Variants in XPO1 observed in about 807,000 individuals in gnomAD.
The protein encoded by XPO1 is exportin-1.
Under a neutral mutation model 133.3 loss-of-function variants are expected in XPO1, and 5 were observed. The ratio of observed to expected loss-of-function variants is 0.04; its 90% CI spans 0.02 to 0.08. XPO1 has a LOEUF of 0.08. Ranked by LOEUF, XPO1 falls within the 10% of genes least tolerant of loss-of-function variation. XPO1 has a pLI of 1.00. For missense variants in XPO1, 506 were observed against 1,267.5 expected, an observed-to-expected ratio of 0.40 and a Z score of 9.12; for synonymous variants, 419 against 408.2, an observed-to-expected ratio of 1.03 and a Z score of -0.32.
At chr2:61,515,940 CA>C (rs1180157282) in intron 4 of XPO1, among the ~76,000 whole-genome samples, 621 of 49,416 alleles carry the variant, frequency 0.013, 1 homozygote, top group Non-Finnish European at 0.024. Flanking sequence ...AAAAAAACCA[CA>C]CACACACACA....
At chr2:61,497,595 T>A (rs776194163) in intron 9 of XPO1, among the ~76,000 whole-genome samples, 2 of 152,210 alleles carry the variant, frequency 1.3e-5, no homozygotes, top group Non-Finnish European at 2.9e-5. Context: ...TTTAGGAATG[T>A]TATACTTTCT....
intron 4 of XPO1, among the ~76,000 whole-genome samples, chr2:61,514,411 T>G (rs1020755838): frequency 2.7e-5 from 4 of 150,770 alleles, no homozygotes; most frequent in Non-Finnish European, 4.5e-5. Context: ...GCCAACATGG[T>G]GAAAGCTCGT....
intron 23 of XPO1, among the ~76,000 whole-genome samples, 171 bp from the exon 24 acceptor site, chr2:61,481,452 T>TA (rs1165005663): frequency 2.0e-5 from 3 of 151,822 alleles, no homozygotes; most frequent in Non-Finnish European, 2.9e-5. Flanking sequence ...TTTTTTTTTT[T>TA]AATCAAGAAT....
At position 61,492,513 on chromosome 2, in the gene XPO1, G is replaced by C. The variant is rs779346191; in HGVS notation, c.1567-32C>G. 6.3e-7 allele frequency: 1 copy of C among 1,590,056 alleles called. No homozygotes were observed. The highest frequency in any genetic ancestry group is 1.2e-5 in the South Asian group (1 of 86,458). On this transcript the variant is annotated intron_variant, in intron 14 of 24. Coordinates refer to ENST00000401558, the MANE Select transcript of XPO1 (RefSeq NM_003400.4). The surrounding 1 kb of genome is among the most constrained non-coding windows in gnomAD (Gnocchi z 5.6). ...ATAAGACAAATTTGTATTATTTATT[G>C]TAACAACATAATACTTATTTAGCAA... is the stretch of plus-strand genomic sequence containing the variant.
intron 16 of XPO1, among the ~76,000 whole-genome samples, chr2:61,491,500 CAAAA>C (rs1171506656): frequency 1.4e-4 from 19 of 131,820 alleles, no homozygotes; most frequent in Non-Finnish European, 2.5e-4. Context: ...ACACACACCC[CAAAA>C]CAAAACAAAA....
At chr2:61,481,501 C>A (rs1326187982) in intron 23 of XPO1, among the ~76,000 whole-genome samples, 1 of 151,924 alleles carries the variant, frequency 6.6e-6, no homozygotes, top group Admixed American at 6.6e-5. Context: ...GCTCGTTTAC[C>A]AGGTTGGAGT....
At chr2:61,481,588 A>T (rs1241813137) in intron 23 of XPO1, among the ~76,000 whole-genome samples, 2 of 152,134 alleles carry the variant, frequency 1.3e-5, no homozygotes, top group Non-Finnish European at 2.9e-5. Context: ...CTGGGATTAC[A>T]GGCATGCACC....
intron 2 of XPO1, among the ~76,000 whole-genome samples, chr2:61,528,560 G>A (rs1380042736): frequency 6.6e-6 from 1 of 150,864 alleles, no homozygotes; most frequent in Non-Finnish European, 1.5e-5. Context: ...TTGAATCCAG[G>A]AGCGGAGGTT....
chr2:61,491,490 ACACACACC>A (rs1200561705), intron 16 of XPO1, among the ~76,000 whole-genome samples: 1 of 124,760 alleles, frequency 8.0e-6, no homozygotes, highest in East Asian at 2.8e-4. Context: ...ACACACACAC[ACACACACC>A]CCAAAACAAA....
chr2:61,503,005 A>G (rs1354771037), intron 4 of XPO1, among the ~76,000 whole-genome samples: 2 of 143,572 alleles, frequency 1.4e-5, no homozygotes, highest in Non-Finnish European at 3.0e-5. Flanking sequence ...CTGTTATGTC[A>G]CACACACTGG....
At chr2:61,493,642 T>C (rs573421536) in intron 12 of XPO1, 7 of 403,152 alleles carry the variant, frequency 1.7e-5, no homozygotes, top group Admixed American at 1.7e-4. Flanking sequence ...TCTGGTTTAG[T>C]AGATTGGCAG....
At chr2:61,490,320 T>G (rs922988362) in intron 17 of XPO1, among the ~76,000 whole-genome samples, 5 of 151,866 alleles carry the variant, frequency 3.3e-5, no homozygotes, top group African/African-American at 1.2e-4. Flanking sequence ...TGCCTAAGCC[T>G]CCTCAGTAGC....
intron 4 of XPO1, among the ~76,000 whole-genome samples, chr2:61,512,333 A>C (rs1305936406): frequency 1.3e-5 from 2 of 152,212 alleles, no homozygotes; most frequent in Non-Finnish European, 2.9e-5. Context: ...CTAGTTCTGA[A>C]AACTTCCCAA....
At chr2:61,491,230 A>AG (rs1696966501) in intron 16 of XPO1, among the ~76,000 whole-genome samples, 3 of 151,858 alleles carry the variant, frequency 2.0e-5, no homozygotes, top group African/African-American at 7.3e-5. Flanking sequence ...TGGGAGGCCG[A>AG]GGCGGGCGGA....
chr2:61,522,087 G>A (rs1054178388), intron 4 of XPO1, among the ~76,000 whole-genome samples: 2 of 150,130 alleles, frequency 1.3e-5, no homozygotes, highest in East Asian at 4.0e-4. Context: ...TGTTTTTTTG[G>A]AGATGGGGTC....
chr2:61,485,028 G>A (rs935782984), intron 20 of XPO1: 2 of 152,110 alleles, frequency 1.3e-5, no homozygotes, highest in African/African-American at 2.4e-5. Context: ...TACAGGTGTT[G>A]AGCCACCACG....
chr2:61,524,284 T>G (rs1014984596), intron 3 of XPO1, among the ~76,000 whole-genome samples: 7 of 152,182 alleles, frequency 4.6e-5, no homozygotes, highest in African/African-American at 1.4e-4. Context: ...ATAAAAATCT[T>G]AAAGATAACT....
At chr2:61,493,152 C>T (rs993512189) in intron 12 of XPO1, 99 bp from the exon 13 acceptor site, 23 of 1,263,454 alleles carry the variant, frequency 1.8e-5, no homozygotes, top group Non-Finnish European at 2.4e-5. Context: ...AAAAAAACCA[C>T]AAGCCAGCCA....
At chr2:61,510,307 G>A (rs564704077) in intron 4 of XPO1, among the ~76,000 whole-genome samples, 1 of 152,034 alleles carries the variant, frequency 6.6e-6, no homozygotes, top group Non-Finnish European at 1.5e-5. Flanking sequence ...ACACAAAATC[G>A]ATCTTTTGAA....
Sources: gnomAD v4.1 joint callset for allele counts (sites outside exome capture counted in the v4.1 genomes callset) on GRCh38, gnomAD v4.1.1 for gene constraint, Gnocchi (gnomAD v3.1) non-coding constraint, MANE v1.5 for transcripts, NCBI Gene and HGNC (gene_info 2026-07-23, HGNC 2026-07-21) for gene names.